DDHD1: variants seen among roughly 807,000 people sequenced by gnomAD.
DDHD1 encodes the protein phospholipase DDHD1.
In DDHD1, 49 loss-of-function variants were observed where a neutral mutation model predicts 96.4. That is an observed-to-expected ratio of 0.51 (90% CI 0.40 to 0.64). The LOEUF (loss-of-function observed/expected upper bound fraction) is 0.64, where lower values mean the gene tolerates loss of function less well. Among genes scored for constraint, DDHD1 ranks in the 30% least tolerant of loss-of-function variants. The probability of loss-of-function intolerance (pLI) is 0.00; values close to 1 mark genes in which losing one functional copy is unlikely to be tolerated. For missense variants in DDHD1, 1,106 were observed against 1,161.2 expected (o/e 0.95, Z 0.69); for synonymous variants, 442 against 446.5 (o/e 0.99, Z 0.13).
At chr14:53,114,905 A>C (rs1888426320) in intron 1 of DDHD1, among the ~76,000 whole-genome samples, 1 of 152,212 alleles carries the variant, frequency 6.6e-6, no homozygotes, top group Non-Finnish European at 1.5e-5. Flanking sequence ...AGGCTTCAGA[A>C]GGTGGGTAAT....
chr14:53,041,708 C>T lies in DDHD1; in HGVS notation c.*5060G>A, dbSNP rs541370661. On this transcript the variant is annotated 3_prime_UTR_variant, in exon 13 of 13. Coordinates refer to ENST00000673822, the MANE Select transcript of DDHD1 (RefSeq NM_001160148.2). ...TTGTTTTGTATTTCTTCTTCTTTTT[C>T]CTGGGTATTTTGAATCTGAGGCATA... is the stretch of plus-strand genomic sequence containing the variant. The T allele has an allele frequency of 2.0e-5, 3 of 151,214 alleles. No homozygotes were observed. In the East Asian group the frequency reaches 5.8e-4, roughly 29 times the overall value. The allele number at this position is 151,214 out of a possible 1,614,324, so 9.4% of individuals were successfully genotyped here.
chr14:53,056,059 T>C lies in DDHD1; in HGVS notation c.1993-147A>G, dbSNP rs1041228392. 4.3e-6 allele frequency: 3 copies of C among 695,048 alleles called. No individual in the cohort carries two copies. The African/African-American group carries it at 5.4e-5, about 13-fold the overall frequency. The allele number at this position is 695,048 out of a possible 1,614,324, so 43.1% of individuals were successfully genotyped here. On this transcript the variant is annotated intron_variant, in intron 9 of 12. Transcript: ENST00000673822. ...ACAATAGCTATTTCAAACATGTATT[T>C]CTATTTGTTCACTGTTAATATGCAC...
rs997522690 is a variant in DDHD1, at chr14:53,044,967, A to T, written c.*1801T>A. ...TAAGAAAAGACAGCACCTTAAGTGGAACCTAGTGGAAACCACTCAGAAGTG... is the reference window on the plus strand; with the variant it reads ...TAAGAAAAGACAGCACCTTAAGTGGTACCTAGTGGAAACCACTCAGAAGTG... On this transcript the variant is annotated 3_prime_UTR_variant, in exon 13 of 13. Transcript: ENST00000673822. 2.6e-5 allele frequency: 4 copies of T among 152,220 alleles called. No homozygotes were observed. The allele number at this position is 152,220 out of a possible 1,614,324, so 9.4% of individuals were successfully genotyped here.
At chr14:53,051,756 G>T in intron 12 of DDHD1, 88 bp downstream of exon 12, 1 of 1,052,118 alleles carries the variant, frequency 9.5e-7, no homozygotes. Context: ...TCTCATAGAA[G>T]AACTGATCCA....
At chr14:53,113,835 T>A (rs1888332512) in intron 1 of DDHD1, among the ~76,000 whole-genome samples, 1 of 151,982 alleles carries the variant, frequency 6.6e-6, no homozygotes. Flanking sequence ...CTGCAGGAGT[T>A]TTTTTCAAAA....
chr14:53,057,778 A>G (rs1566522373), intron 9 of DDHD1, among the ~76,000 whole-genome samples: 1 of 152,234 alleles, frequency 6.6e-6, no homozygotes, highest in Non-Finnish European at 1.5e-5. Flanking sequence ...TAAATTAACC[A>G]AAACACACGT....
At position 53,054,478 on chromosome 14, in the gene DDHD1, C is replaced by T; in HGVS notation, c.2397G>A (p.Gln799=). The T allele has an allele frequency of 1.9e-6, 3 of 1,614,102 alleles. No individual in the cohort carries two copies. Among genetic ancestry groups the T allele is most frequent in the Non-Finnish European group, 2.5e-6 (3 of 1,179,968 alleles). The change falls in exon 11 of 13, where the codon CAG becomes CAA. Residue 799 remains glutamine, a synonymous_variant. Transcript: ENST00000673822. ...AGCCAGAACTGCTATGTGGAAGGGT[C>T]TGTGTCCCTACGGTGGTAGCAGAAG... ...ASPSATTVGT[Q]TLPHSSSGFL...
In DDHD1 at chr14:53,103,700, G is replaced by A; in HGVS notation, c.995C>T (p.Ser332Phe). The change falls in exon 2 of 13, where the codon TCC becomes TTC. Residue 332 changes from serine (S) to phenylalanine (F), a missense_variant. Physicochemically the swap from Ser to Phe is radical, Grantham distance 155. This residue lies in a region of DDHD1 where 650 missense variants were observed against 758.8 expected (regional missense o/e 0.86). Transcript: ENST00000673822. ...QENFDIEVSK[S>F]IDGKDAVHSF... ...GATCTTACCATCTTTTCCATCTATG[G>A]ATTTTGACACTTCAATATCGAAATT... The A allele has an allele frequency of 6.2e-7, 1 of 1,611,288 alleles. No homozygotes were observed. Among genetic ancestry groups the A allele is most frequent in the Non-Finnish European group, 8.5e-7 (1 of 1,179,160 alleles).
In DDHD1 at chr14:53,093,394, C is replaced by A; in HGVS notation, c.1063G>T (p.Asp355Tyr). The A allele has an allele frequency of 6.2e-7, 1 of 1,612,936 alleles. No homozygotes were observed. The highest frequency in any genetic ancestry group is 8.5e-7 in the Non-Finnish European group (1 of 1,179,632). ...GCATCACTATAAAGATATACTTCAT[C>A]CACACTGTGCCAGTCCACATGGTTT... ...SRNHVDWHSV[D>Y]EVYLYSDATT... The change falls in exon 3 of 13, where the codon GAT (aspartate) becomes TAT (tyrosine). Residue 355 changes from aspartate to tyrosine, a missense_variant. Around this residue, in one of 2 missense-constraint regions of DDHD1, gnomAD observed 650 missense variants for 758.8 expected, o/e 0.86. Transcript: ENST00000673822.
In DDHD1 at chr14:53,046,649, A is replaced by G; in HGVS notation, c.*119T>C. The G allele has an allele frequency of 1.7e-6, 1 of 583,152 alleles. No individual in the cohort carries two copies. The highest frequency in any genetic ancestry group is 3.5e-5 in the Admixed American group (1 of 28,416). The allele number at this position is 583,152 out of a possible 1,614,324, so 36.1% of individuals were successfully genotyped here. ...ATAAAGTGCTTTTAAATTCAAATATATGTTGCCCTAAAGAAAACTGAAATA... is the reference window on the plus strand; with the variant it reads ...ATAAAGTGCTTTTAAATTCAAATATGTGTTGCCCTAAAGAAAACTGAAATA... On this transcript the variant is annotated 3_prime_UTR_variant, in exon 13 of 13. Transcript: ENST00000673822.
chr14:53,138,248 T>C (rs1280750476), intron 1 of DDHD1, among the ~76,000 whole-genome samples: 1 of 152,092 alleles, frequency 6.6e-6, no homozygotes, highest in Non-Finnish European at 1.5e-5. Flanking sequence ...CTACTAAAAA[T>C]ACAAAAATTA....
At position 53,061,204 on chromosome 14, in the gene DDHD1, A is replaced by G. The variant is rs757120956; in HGVS notation, c.1767-3T>C. ...GCCGTTCTTCTATTTCCTTCAGCCT[A>G]AGAAGGGGTATGAGATTATATACAC... On this transcript the variant is annotated splice_polypyrimidine_tract_variant and splice_region_variant and intron_variant, in intron 7 of 12. Coordinates refer to ENST00000673822, the MANE Select transcript of DDHD1 (RefSeq NM_001160148.2). 1 of 1,608,634 alleles carries G rather than the reference A, an allele frequency of 6.2e-7. No individual in the cohort carries two copies. The highest frequency in any genetic ancestry group is 8.5e-7 in the Non-Finnish European group (1 of 1,178,430).
chr14:53,058,232 G>A (rs2139848349), intron 9 of DDHD1, among the ~76,000 whole-genome samples: 1 of 152,262 alleles, frequency 6.6e-6, no homozygotes, highest in Admixed American at 6.5e-5. Flanking sequence ...CACCTCCCAG[G>A]TTCAAGTGAT....
intron 6 of DDHD1, among the ~76,000 whole-genome samples, chr14:53,067,852 ATTG>A (rs1173159873): frequency 2.6e-5 from 4 of 152,198 alleles, no homozygotes; most frequent in Non-Finnish European, 5.9e-5. Context: ...AGGTTCACAT[ATTG>A]TTAGCATTGT....
At chr14:53,075,136 G>C (rs886867949) in intron 4 of DDHD1, among the ~76,000 whole-genome samples, 3 of 152,230 alleles carry the variant, frequency 2.0e-5, no homozygotes, top group East Asian at 1.9e-4. Flanking sequence ...GTGAAAAGAA[G>C]AGTCGCTTAT....
At chr14:53,139,645 C>T (rs1053815714) in intron 1 of DDHD1, among the ~76,000 whole-genome samples, 2 of 151,986 alleles carry the variant, frequency 1.3e-5, no homozygotes, top group African/African-American at 4.8e-5. Context: ...GAGATCATGC[C>T]ACTGCACTCC....
intron 12 of DDHD1, among the ~76,000 whole-genome samples, chr14:53,047,234 T>TA (rs1453707869): frequency 6.6e-6 from 1 of 152,128 alleles, no homozygotes; most frequent in Non-Finnish European, 1.5e-5. Context: ...TTTTCAGAGT[T>TA]AAAAAAATTG....
intron 1 of DDHD1, among the ~76,000 whole-genome samples, chr14:53,152,004 C>G (rs1414897590): frequency 6.6e-6 from 1 of 152,296 alleles, no homozygotes; most frequent in African/African-American, 2.4e-5. Flanking sequence ...CAGGGGATGG[C>G]AGCAGCACCC....
rs376233124 is a variant in DDHD1, at chr14:53,108,405, C to T, written c.839-4549G>A. Among the ~76,000 whole-genome samples the T allele has an allele frequency of 1.1e-4, 16 of 152,226 alleles. No individual in the cohort carries two copies. In the East Asian group the frequency reaches 2.9e-3, roughly 28 times the overall value. ...GCCCAAGATTCCACTCCTTGGAATC[C>T]GTGAGGCCAAGAACCCCAGGTCAGA... On this transcript the variant is annotated intron_variant, in intron 1 of 12. Coordinates refer to ENST00000673822, the MANE Select transcript of DDHD1 (RefSeq NM_001160148.2).
Sources: allele counts gnomAD v4.1 joint callset (sites outside exome capture counted in the v4.1 genomes callset), GRCh38; gene constraint gnomAD v4.1.1; regional missense constraint gnomAD v4.1.1; transcripts MANE v1.5; gene names NCBI Gene and HGNC (gene_info 2026-07-23, HGNC 2026-07-21).